ENOSF1: variants seen among roughly 807,000 people sequenced by gnomAD.
The protein encoded by ENOSF1 is enolase superfamily member 1.
A neutral mutation model predicts 68.2 loss-of-function variants in ENOSF1; 73 were observed. The observed-to-expected ratio is 1.07, with a 90% confidence interval of 0.89 to 1.30. The LOEUF is 1.30. Among genes scored for constraint, ENOSF1 ranks in the 50% most tolerant of loss-of-function variants. ENOSF1 has a pLI of 0.00. For synonymous variants in ENOSF1, 223 were observed against 210.4 expected (o/e 1.06, Z -0.52); for missense variants, 589 against 554.5 (o/e 1.06, Z -0.62).
rs1449116295 is a variant in ENOSF1, at chr18:672,038, C to T, written c.*2267G>A. On this transcript the variant is annotated 3_prime_UTR_variant, in exon 16 of 16. Coordinates refer to ENST00000647584, the MANE Select transcript of ENOSF1 (RefSeq NM_017512.7). ...CAAGTGATCCACCTGCCTCAGCCTC[C>T]GAAAATTCTGGAATTACAGGCATAA... 1.3e-5 allele frequency: 2 copies of T among 152,338 alleles called. No homozygotes were observed. Among genetic ancestry groups the T allele is most frequent in the Admixed American group, 6.5e-5 (1 of 15,306 alleles). The allele number at this position is 152,338 out of a possible 1,614,324, so 9.4% of individuals were successfully genotyped here.
At chr18:706,770 G>A (rs2145463203) in intron 1 of ENOSF1, 192 bp from the exon 2 acceptor site, 1 of 382,868 alleles carries the variant, frequency 2.6e-6, no homozygotes, top group Non-Finnish European at 4.7e-6. Flanking sequence ...CCTCCTGAAA[G>A]ATCCAAAATG....
chr18:696,462 T>C (rs1236608295), intron 3 of ENOSF1, among the ~76,000 whole-genome samples: 2 of 152,024 alleles, frequency 1.3e-5, no homozygotes, highest in Admixed American at 6.5e-5. Flanking sequence ...CTGCCTGCCT[T>C]GGCCTCCCAA....
At chr18:679,993 A>C (rs893016009) in intron 11 of ENOSF1, among the ~76,000 whole-genome samples, 2 of 152,224 alleles carry the variant, frequency 1.3e-5, no homozygotes, top group Non-Finnish European at 2.9e-5. Context: ...CATTTTATAA[A>C]AAATGATAAA....
chr18:697,285 G>A lies in ENOSF1; in HGVS notation c.264C>T (p.Phe88=), dbSNP rs2077837679. 1 of 1,613,992 alleles carries A rather than the reference G, an allele frequency of 6.2e-7. No individual in the cohort carries two copies. The highest frequency in any genetic ancestry group is 2.2e-5 in the East Asian group (1 of 44,878). The change falls in exon 3 of 16, where the codon TTC becomes TTT. Residue 88 remains phenylalanine (F), a synonymous_variant. Transcript: ENST00000647584. The stretch of plus-strand genomic sequence containing the variant: ...TTGTGAGCTGCCTATAGAAGCCTCT[G>A]AAGTCACCAACAATGTCCTTGAGGT... ...NKDLKDIVGD[F]RGFYRQLTSD...
At chr18:690,764 C>A in intron 7 of ENOSF1, 133 bp from the exon 8 acceptor site, 6 of 1,288,074 alleles carry the variant, frequency 4.7e-6, no homozygotes, top group Non-Finnish European at 6.1e-6. Context: ...ACACACCCAG[C>A]CACAAATTAC....
chr18:689,764 T>A (rs1464825353), intron 8 of ENOSF1, among the ~76,000 whole-genome samples: 1 of 151,652 alleles, frequency 6.6e-6, no homozygotes, highest in Non-Finnish European at 1.5e-5. Context: ...GATAGGAGTG[T>A]CTTTTGTACG....
intron 1 of ENOSF1, chr18:707,670 T>C (rs1399617364): frequency 6.6e-6 from 1 of 152,184 alleles, no homozygotes; most frequent in African/African-American, 2.4e-5. Context: ...GAAAATTTAT[T>C]ACTGTTATTA....
intron 12 of ENOSF1, 38 bp from the exon 13 acceptor site, chr18:677,910 C>T (rs2075678335): frequency 6.3e-7 from 1 of 1,595,982 alleles, no homozygotes; most frequent in East Asian, 2.2e-5. Flanking sequence ...ACAGAAGAGT[C>T]AGCCTTGGCC....
the ENOSF1 span, among the ~76,000 whole-genome samples, chr18:665,224 A>G: frequency 2.0e-5 from 3 of 150,862 alleles, no homozygotes; most frequent in Non-Finnish European, 1.5e-5. Context: ...CAGAGATTCA[A>G]CTTCTTCCTG....
chr18:691,335 GT>G, intron 5 of ENOSF1, 59 bp from the exon 6 acceptor site: 1 of 1,432,102 alleles, frequency 7.0e-7, no homozygotes, highest in Non-Finnish European at 9.6e-7. Flanking sequence ...GTTATATTTT[GT>G]TTTTTAAAAT....
the ENOSF1 span, among the ~76,000 whole-genome samples, chr18:664,521 C>T: frequency 7.2e-6 from 1 of 138,144 alleles, no homozygotes; most frequent in Admixed American, 7.1e-5. Flanking sequence ...CCTTCTCCTG[C>T]CTAATTGCCC....
At chr18:702,644 G>A (rs1204450127) in intron 2 of ENOSF1, among the ~76,000 whole-genome samples, 2 of 151,780 alleles carry the variant, frequency 1.3e-5, no homozygotes, top group East Asian at 3.9e-4. Flanking sequence ...GGAAGGTGAG[G>A]TGGGACAATC....
At chr18:708,993 C>T (rs148597845) in intron 1 of ENOSF1, among the ~76,000 whole-genome samples, 3 of 152,076 alleles carry the variant, frequency 2.0e-5, no homozygotes, top group South Asian at 2.1e-4. Context: ...GTCAACAGGA[C>T]GAGATGAGCC....
At chr18:688,884 A>G (rs149404751) in intron 8 of ENOSF1, among the ~76,000 whole-genome samples, 95 of 152,214 alleles carry the variant, frequency 6.2e-4, no homozygotes, top group African/African-American at 2.3e-3. Flanking sequence ...TCTCTTTTTA[A>G]AGCTAGAATA....
intron 10 of ENOSF1, 74 bp from the exon 11 acceptor site, chr18:683,454 G>T: frequency 6.4e-7 from 1 of 1,571,308 alleles, no homozygotes; most frequent in Non-Finnish European, 8.7e-7. Context: ...TCCCAGGGAG[G>T]AAATGCTGTC....
At chr18:707,089 G>C (rs1314058766) in intron 1 of ENOSF1, among the ~76,000 whole-genome samples, 1 of 152,066 alleles carries the variant, frequency 6.6e-6, no homozygotes, top group African/African-American at 2.4e-5. Flanking sequence ...AAAGTGCTGG[G>C]ATTACAAGTG....
intron 5 of ENOSF1, chr18:691,534 A>G: frequency 2.5e-6 from 1 of 392,704 alleles, no homozygotes. Context: ...TTTTGTAGAG[A>G]TGGGGTCTCA....
chr18:706,553 G>A lies in ENOSF1; in HGVS notation c.110C>T (p.Ala37Val), dbSNP rs527317712. 9.9e-6 allele frequency: 16 copies of A among 1,613,674 alleles called. 1 individual carries two copies. The South Asian group carries it at 1.6e-4, about 17-fold the overall frequency. The change falls in exon 2 of 16, where the codon GCC becomes GTC. Residue 37 changes from alanine to valine, a missense_variant. Coordinates refer to ENST00000647584, the MANE Select transcript of ENOSF1 (RefSeq NM_017512.7). ...TGCATCAGTTTCTATGACGACATAG[G>A]CAGCCGAGTAGTCAGGGTCCGTGTG... ...AMHTDPDYSA[A>V]YVVIETDAED...
At chr18:688,333 G>A (rs1007193788) in intron 9 of ENOSF1, 5 of 511,004 alleles carry the variant, frequency 9.8e-6, no homozygotes, top group Admixed American at 6.4e-5. Flanking sequence ...GTTAGTGCCC[G>A]AAATAAACAA....
Sources: allele counts gnomAD v4.1 joint callset (sites outside exome capture counted in the v4.1 genomes callset), GRCh38; gene constraint gnomAD v4.1.1; transcripts MANE v1.5; gene names NCBI Gene and HGNC (gene_info 2026-07-23, HGNC 2026-07-21).